The following CFI variants were observed in gnomAD, a reference collection of about 807,000 sequenced individuals.
The protein encoded by CFI is C3B/C4B inactivator.
A neutral mutation model predicts 78.8 loss-of-function variants in CFI; 66 were observed. That is an observed-to-expected ratio of 0.84 (90% confidence interval 0.69 to 1.03). CFI has a LOEUF of 1.03. Ranked by LOEUF, CFI falls within the 50% of genes least tolerant of loss-of-function variation. The pLI is 0.00. For missense variants in CFI, 706 were observed against 704.5 expected (o/e 1.00, Z -0.02); for synonymous variants, 250 against 232.6 (o/e 1.07, Z -0.68).
the CFI span, among the ~76,000 whole-genome samples, chr4:109,733,043 C>T: frequency 6.6e-6 from 1 of 151,740 alleles, no homozygotes; most frequent in Non-Finnish European, 1.5e-5. Flanking sequence ...ACAATCTCAG[C>T]TCACTGCAAC....
chr4:109,754,226 C>T (rs1725824187), intron 7 of CFI, among the ~76,000 whole-genome samples: 1 of 151,306 alleles, frequency 6.6e-6, no homozygotes, highest in African/African-American at 2.4e-5. Context: ...TCGTGATCCA[C>T]CCGCCTTGGC....
intron 8 of CFI, among the ~76,000 whole-genome samples, chr4:109,752,010 C>T (rs1187063007): frequency 1.3e-5 from 2 of 152,146 alleles, no homozygotes; most frequent in African/African-American, 4.8e-5. Flanking sequence ...TTTAATTTGG[C>T]TTTTAGCGCA....
intron 1 of CFI, among the ~76,000 whole-genome samples, chr4:109,791,587 T>C (rs1337262750): frequency 6.6e-6 from 1 of 152,082 alleles, no homozygotes; most frequent in Non-Finnish European, 1.5e-5. Context: ...TTACATTTAA[T>C]TCTTTAATCT....
At chr4:109,798,827 T>C (rs1168277662) in intron 1 of CFI, among the ~76,000 whole-genome samples, 1 of 151,938 alleles carries the variant, frequency 6.6e-6, no homozygotes, top group Non-Finnish European at 1.5e-5. Flanking sequence ...TTGAAGTCTG[T>C]TCCTTTGACT....
intron 12 of CFI, chr4:109,742,286 G>C (rs1029776483): frequency 3.5e-6 from 2 of 568,224 alleles, no homozygotes; most frequent in Non-Finnish European, 6.3e-6. Context: ...CTATAGAATC[G>C]CTTAAGGAGG....
At chr4:109,771,550 C>CAA (rs60490705) in intron 1 of CFI, among the ~76,000 whole-genome samples, 4,262 of 132,760 alleles carry the variant, frequency 0.032, 140 homozygotes, top group East Asian at 0.18. Flanking sequence ...ACTAAAAATA[C>CAA]AAAAAAAAAA....
intron 3 of CFI, among the ~76,000 whole-genome samples, chr4:109,764,145 A>G (rs1727427133): frequency 6.6e-6 from 1 of 151,062 alleles, no homozygotes; most frequent in Non-Finnish European, 1.5e-5. Context: ...TATAGTTTAT[A>G]CTCACTGTAT....
chr4:109,785,384 T>C (rs1356635705), intron 1 of CFI, among the ~76,000 whole-genome samples: 2 of 152,132 alleles, frequency 1.3e-5, no homozygotes, highest in African/African-American at 4.8e-5. Flanking sequence ...ATTATCTTTG[T>C]GTTGAAAATT....
chr4:109,746,511 G>GAA lies in CFI; in HGVS notation c.1149-11_1149-10dup. The GAA allele has an allele frequency of 7.9e-6, 12 of 1,524,350 alleles. No individual in the cohort carries two copies. The highest frequency in any genetic ancestry group is 2.0e-5 in the Admixed American group (1 of 49,372). 94.4% of individuals were successfully genotyped at this position (1,524,350 alleles called of 1,614,324 possible). A position where few individuals can be genotyped will look rare whatever the true frequency, so the allele number is the denominator to read the frequency against. On this transcript the variant is annotated splice_polypyrimidine_tract_variant and intron_variant, in intron 10 of 12. Coordinates refer to ENST00000394634, the MANE Select transcript of CFI (RefSeq NM_000204.5). ...GATGAGTTTTACTGGCTCTATAACA[G>GAA]AAAAAAAAAGGAAATAAAATATATT...
intron 2 of CFI, among the ~76,000 whole-genome samples, chr4:109,765,591 T>C (rs1294745031): frequency 6.6e-6 from 1 of 152,172 alleles, no homozygotes; most frequent in Non-Finnish European, 1.5e-5. Context: ...TCAATTGGAC[T>C]GACAGCGAAA....
At chr4:109,778,180 C>A (rs573035486) in intron 1 of CFI, among the ~76,000 whole-genome samples, 4 of 152,150 alleles carry the variant, frequency 2.6e-5, no homozygotes, top group Admixed American at 6.5e-5. Flanking sequence ...TTCAAAAAAT[C>A]AATGAATCCA....
chr4:109,757,903 TA>T (rs1427049636), intron 6 of CFI, 120 bp from the exon 7 acceptor site: 14 of 1,386,522 alleles, frequency 1.0e-5, no homozygotes, highest in Admixed American at 2.6e-5. Flanking sequence ...TTTTCTTCGG[TA>T]ATATAATTTT....
At chr4:109,736,817 C>A (rs1205098669), downstream of CFI, among the ~76,000 whole-genome samples, 1 of 152,134 alleles carries the variant, frequency 6.6e-6, no homozygotes, top group African/African-American at 2.4e-5. Context: ...TTTCCTATCA[C>A]GTACTGTACA....
downstream of CFI, among the ~76,000 whole-genome samples, chr4:109,738,266 C>T (rs1470636008): frequency 2.0e-5 from 3 of 151,986 alleles, no homozygotes; most frequent in Admixed American, 6.6e-5. Flanking sequence ...AGATGTGCAC[C>T]ACCACTCCCA....
intron 3 of CFI, among the ~76,000 whole-genome samples, chr4:109,763,573 T>G (rs1391652851): frequency 6.6e-6 from 1 of 152,062 alleles, no homozygotes; most frequent in Non-Finnish European, 1.5e-5. Flanking sequence ...AAAACAAATC[T>G]AGATATGTGC....
intron 1 of CFI, among the ~76,000 whole-genome samples, chr4:109,772,573 A>G (rs975637557): frequency 1.4e-5 from 2 of 144,240 alleles, no homozygotes; most frequent in Non-Finnish European, 3.0e-5. Flanking sequence ...GGAGTGGTGA[A>G]TTTGATCGTT....
chr4:109,790,649 T>C (rs1397789756), intron 1 of CFI, among the ~76,000 whole-genome samples: 2 of 152,142 alleles, frequency 1.3e-5, no homozygotes, highest in Non-Finnish European at 2.9e-5. Context: ...GTCTATGTGT[T>C]CTCATAATTT....
intron 1 of CFI, among the ~76,000 whole-genome samples, chr4:109,787,917 G>A (rs912091167): frequency 6.6e-6 from 1 of 151,882 alleles, no homozygotes; most frequent in African/African-American, 2.4e-5. Flanking sequence ...TGTTCAAACA[G>A]GTTCAAAAAT....
At chr4:109,793,926 T>C (rs1731700228) in intron 1 of CFI, 2 of 152,238 alleles carry the variant, frequency 1.3e-5, no homozygotes, top group Non-Finnish European at 2.9e-5. Flanking sequence ...TTGTGAAGGA[T>C]AGTTTTGCCA....
Sources: allele counts gnomAD v4.1 joint callset (sites outside exome capture counted in the v4.1 genomes callset), GRCh38; gene constraint gnomAD v4.1.1; transcripts MANE v1.5; gene names NCBI Gene and HGNC (gene_info 2026-07-23, HGNC 2026-07-21).